Variants in MYO9A observed in about 807,000 individuals in gnomAD.
MYO9A encodes unconventional myosin-IXa.
MYO9A carries 103 observed loss-of-function variants against 293.3 expected under a neutral mutation model. That is an observed-to-expected ratio of 0.35 (90% CI 0.30 to 0.41). The LOEUF (loss-of-function observed/expected upper bound fraction) is 0.41, where lower values mean the gene tolerates loss of function less well. MYO9A is among the 10% of genes least tolerant of loss of function. The pLI, the probability that MYO9A is intolerant of heterozygous loss-of-function variation, is 1.00. For missense variants in MYO9A, 2,685 were observed against 3,033.0 expected (o/e 0.89, Z 2.69); for synonymous variants, 1,001 against 1,035.7 (o/e 0.97, Z 0.64).
chr15:71,925,351 T>TATA (rs1567278737), intron 18 of MYO9A, among the ~76,000 whole-genome samples: 1 of 143,704 alleles, frequency 7.0e-6, no homozygotes, highest in Non-Finnish European at 1.5e-5. Flanking sequence ...ACATATATAC[T>TATA]TACATGTATA....
At chr15:72,097,567 G>T (rs1354493015) in intron 1 of MYO9A, among the ~76,000 whole-genome samples, 10 of 152,190 alleles carry the variant, frequency 6.6e-5, no homozygotes, top group Non-Finnish European at 1.3e-4. Context: ...TATTGCAGTG[G>T]TCTGAAACTG....
chr15:71,954,042 C>T (rs528508571), intron 14 of MYO9A, among the ~76,000 whole-genome samples: 13 of 151,910 alleles, frequency 8.6e-5, no homozygotes, highest in Admixed American at 1.3e-4. Flanking sequence ...ACTACAGGCA[C>T]GCACCACCAT....
chr15:72,041,383 G>C (rs960431572), intron 2 of MYO9A: 1 of 464,158 alleles, frequency 2.2e-6, no homozygotes, highest in Admixed American at 2.6e-5. Flanking sequence ...CATATCAGTT[G>C]ATAATCATGT....
chr15:71,904,393 C>T (rs543692381), intron 20 of MYO9A, among the ~76,000 whole-genome samples: 2 of 152,330 alleles, frequency 1.3e-5, no homozygotes, highest in African/African-American at 4.8e-5. Flanking sequence ...TGGCTCACGC[C>T]TATAATCCTA....
At chr15:71,915,112 C>G (rs565323395) in intron 19 of MYO9A, among the ~76,000 whole-genome samples, 14 of 152,188 alleles carry the variant, frequency 9.2e-5, no homozygotes, top group Middle Eastern at 3.4e-3. Flanking sequence ...CTGCTTATGA[C>G]TCATATTTAT....
chr15:71,826,842 G>C lies in MYO9A; in HGVS notation c.7385C>G (p.Ala2462Gly). ...TCCCAGGGCCTCATTACCTGAGGCAGCTCGGTAGAATGGAGATTTGGAATA... is the reference window on the plus strand; with the variant it reads ...TCCCAGGGCCTCATTACCTGAGGCACCTCGGTAGAATGGAGATTTGGAATA... ...QIYSKSPFYR[A>G]ASGNEALGME... Residue 2462 changes from alanine to glycine, a missense_variant, in exon 42 of 42, where the codon GCT (alanine) becomes GGT (glycine). Transcript: ENST00000356056. 1 of 1,614,124 alleles carries C rather than the reference G, an allele frequency of 6.2e-7. No individual in the cohort carries two copies. The highest frequency in any genetic ancestry group is 8.5e-7 in the Non-Finnish European group (1 of 1,179,984).
intron 28 of MYO9A, among the ~76,000 whole-genome samples, chr15:71,883,138 A>T (rs1013777075): frequency 2.0e-5 from 3 of 152,142 alleles, no homozygotes; most frequent in African/African-American, 7.2e-5. Flanking sequence ...GAGTTTTCTC[A>T]TCCATAAATT....
At chr15:72,045,536 G>T (rs998115394) in intron 2 of MYO9A, among the ~76,000 whole-genome samples, 188 bp downstream of exon 2, 2 of 152,122 alleles carry the variant, frequency 1.3e-5, no homozygotes, top group Non-Finnish European at 2.9e-5. Context: ...AAAGTGCTGG[G>T]ATTACAGGCA....
At chr15:71,962,341 A>G (rs986199176) in intron 13 of MYO9A, among the ~76,000 whole-genome samples, 2 of 152,154 alleles carry the variant, frequency 1.3e-5, no homozygotes, top group African/African-American at 4.8e-5. Context: ...ATCTATCCTC[A>G]TGTACAGAAG....
intron 14 of MYO9A, among the ~76,000 whole-genome samples, chr15:71,957,380 AT>A (rs2059228586): frequency 6.6e-6 from 1 of 152,154 alleles, no homozygotes; most frequent in Non-Finnish European, 1.5e-5. Context: ...ATGAAAAAAA[AT>A]TTAGAGGTCC....
At chr15:72,076,226 A>T (rs2079346900) in intron 1 of MYO9A, among the ~76,000 whole-genome samples, 2 of 150,776 alleles carry the variant, frequency 1.3e-5, no homozygotes, top group Admixed American at 1.3e-4. Flanking sequence ...AATCGCTTAA[A>T]CCTGGGAGGA....
chr15:71,964,995 C>A (rs2147164817), intron 13 of MYO9A, among the ~76,000 whole-genome samples: 1 of 151,744 alleles, frequency 6.6e-6, no homozygotes, highest in Non-Finnish European at 1.5e-5. Flanking sequence ...TTCAACTTTT[C>A]TTCCTTTCCA....
At chr15:71,885,808 T>C (rs2057002144) in intron 27 of MYO9A, among the ~76,000 whole-genome samples, 1 of 152,174 alleles carries the variant, frequency 6.6e-6, no homozygotes, top group Non-Finnish European at 1.5e-5. Context: ...CCAAAGTTCC[T>C]ACCATTGGGT....
At chr15:72,049,198 C>G (rs1282955513) in intron 1 of MYO9A, among the ~76,000 whole-genome samples, 1 of 152,058 alleles carries the variant, frequency 6.6e-6, no homozygotes, top group Non-Finnish European at 1.5e-5. Flanking sequence ...TTTAAGAGAA[C>G]TACAGTATCA....
At position 71,898,531 on chromosome 15, in the gene MYO9A, A is replaced by G; in HGVS notation, c.3972T>C (p.Ser1324=). ...GLQSPRGTPD[S]ESSQGSLELL... ...GTTCCAAGCTTCCTTGAGAGCTCTC[A>G]CTATCAGGTGTACCCCGTGGAGACT... Residue 1324 remains serine, a synonymous_variant, in exon 25 of 42, where the codon AGT becomes AGC. Coordinates refer to ENST00000356056, the MANE Select transcript of MYO9A (RefSeq NM_006901.4). 1 of 1,613,894 alleles carries G rather than the reference A, an allele frequency of 6.2e-7. No homozygotes were observed. Among genetic ancestry groups the G allele is most frequent in the South Asian group, 1.1e-5 (1 of 91,068 alleles).
At chr15:71,905,341 T>C (rs2057600049) in intron 19 of MYO9A, among the ~76,000 whole-genome samples, 1 of 152,220 alleles carries the variant, frequency 6.6e-6, no homozygotes, top group Non-Finnish European at 1.5e-5. Context: ...TTTAAAATGA[T>C]TCAGGAGGGT....
intron 39 of MYO9A, among the ~76,000 whole-genome samples, chr15:71,833,048 AAG>A (rs2054792656): frequency 6.6e-6 from 1 of 152,026 alleles, no homozygotes; most frequent in Non-Finnish European, 1.5e-5. Flanking sequence ...AAATGCAAGA[AAG>A]AGCAAAAAAG....
In MYO9A at chr15:71,898,925, C is replaced by T. The variant is rs2415129; in HGVS notation, c.3578G>A (p.Gly1193Glu). ...GTTGTCAAAAGAACAATCCTCCCAT[C>T]CTGAAGGGTCTGAACCCTGAATTTC... ...SLEIQGSDPS[G>E]WEDCSFDNRI... is the part of the protein sequence containing the mutation. The change falls in exon 25 of 42, where the codon GGA becomes GAA. Residue 1193 changes from glycine (G) to glutamate (E), a missense_variant. Gly to Glu is a moderately conservative substitution (Grantham distance 98, BLOSUM62 -2). Coordinates refer to ENST00000356056, the MANE Select transcript of MYO9A (RefSeq NM_006901.4). The T allele has an allele frequency of 0.96, 1,546,729 of 1,613,980 alleles. 742,907 individuals carry two copies. Among genetic ancestry groups the T allele is most frequent in the Non-Finnish European group, 0.97 (1,148,163 of 1,179,952 alleles).
chr15:71,850,901 C>A (rs2055619141), intron 37 of MYO9A, among the ~76,000 whole-genome samples: 1 of 150,324 alleles, frequency 6.7e-6, no homozygotes, highest in Non-Finnish European at 1.5e-5. Context: ...CCTGACGCCT[C>A]TTTGGTCAAT....
Sources: gnomAD v4.1 joint callset for allele counts (sites outside exome capture counted in the v4.1 genomes callset) on GRCh38, gnomAD v4.1.1 for gene constraint, MANE v1.5 for transcripts, NCBI Gene and HGNC (gene_info 2026-07-23, HGNC 2026-07-21) for gene names.